HUWE1: variants seen among roughly 807,000 people sequenced by gnomAD.
HUWE1 encodes HECT, UBA and WWE domain containing E3 ubiquitin protein ligase 1.
In HUWE1, 18 loss-of-function variants were observed where a neutral mutation model predicts 299.4. The observed-to-expected ratio is 0.06, with a 90% CI of 0.04 to 0.09. HUWE1 has a LOEUF of 0.09. Among genes scored for constraint, HUWE1 ranks in the 10% least tolerant of loss-of-function variants. The pLI, the probability that HUWE1 is intolerant of heterozygous loss-of-function variation, is 1.00. For synonymous variants in HUWE1, 1,317 were observed against 1,286.1 expected, an observed-to-expected ratio of 1.02 and a Z score of -0.51; for missense variants, 1,832 against 3,462.3, an observed-to-expected ratio of 0.53 and a Z score of 11.82.
chrX:53,635,942 G>GA (rs1310091051), intron 7 of HUWE1, among the ~76,000 whole-genome samples: 4 of 112,345 alleles, frequency 3.6e-5, no homozygotes, highest in Admixed American at 2.8e-4. Context: ...TATCCTGTGA[G>GA]AAATAAGCTT....
At chrX:53,538,724 A>ACTCTCTCTCTCTCTCTCT (rs782578229) in intron 76 of HUWE1, 111 bp downstream of exon 76, 1 of 325,624 alleles carries the variant, frequency 3.1e-6, no homozygotes, top group African/African-American at 3.5e-5. Flanking sequence ...ACACACACAC[A>ACTCTCTCTCTCTCTCTCT]CTCTCTCTCT....
chrX:53,634,187 G>C (rs374747691), intron 8 of HUWE1, 49 bp downstream of exon 8: 70 of 961,069 alleles, frequency 7.3e-5, no homozygotes, highest in Non-Finnish European at 8.2e-5. Context: ...GGTTCACAGA[G>C]AGGCCACAGC....
intron 78 of HUWE1, 109 bp downstream of exon 78, chrX:53,537,447 A>G: frequency 1.2e-6 from 1 of 810,415 alleles, no homozygotes; most frequent in Non-Finnish European, 1.8e-6. Context: ...GGGAATTCCT[A>G]TTAGGGAGGG....
chrX:53,559,477 G>A lies in HUWE1; in HGVS notation c.7792C>T (p.Leu2598=). The change falls in exon 57 of 84, where the codon CTA becomes TTA. Residue 2598 remains leucine, a synonymous_variant. Transcript: ENST00000262854. ...DILQLSSSLP[L]QSRGRARLLV... The stretch of plus-strand genomic sequence containing the variant: ...AGGCGGGCCCGACCCCGGCTTTGTA[G>A]GGGAAGGCTGCTGCTCAGCTGAAGG... 8.3e-7 allele frequency: 1 copy of A among 1,211,556 alleles called. No individual in the cohort carries two copies. The highest frequency in any genetic ancestry group is 2.2e-5 in the Admixed American group (1 of 46,068).
chrX:53,678,226 A>C (rs189585497), intron 3 of HUWE1, among the ~76,000 whole-genome samples: 181 of 112,434 alleles, frequency 1.6e-3, no homozygotes, highest in African/African-American at 5.3e-3. Context: ...TTAACAGCCC[A>C]AACAAAACCT....
chrX:53,663,954 G>A (rs371199358), intron 3 of HUWE1, among the ~76,000 whole-genome samples: 1 of 110,904 alleles, frequency 9.0e-6, no homozygotes, highest in East Asian at 2.8e-4. Flanking sequence ...GCCTCTAGCT[G>A]GCAGGGTAAC....
intron 29 of HUWE1, among the ~76,000 whole-genome samples, chrX:53,597,568 T>C (rs1365786369): frequency 1.2e-5 from 1 of 85,654 alleles, no homozygotes; most frequent in Non-Finnish European, 2.3e-5. Context: ...CAAGACCCCT[T>C]TTCTGGATTG....
intron 33 of HUWE1, among the ~76,000 whole-genome samples, chrX:53,592,067 T>C (rs1483143417): frequency 8.9e-6 from 1 of 112,135 alleles, no homozygotes; most frequent in Non-Finnish European, 1.9e-5. Context: ...AAAGCTCTTG[T>C]TGGAGAATAA....
At chrX:53,602,926 A>C (rs2064954358) in intron 27 of HUWE1, among the ~76,000 whole-genome samples, 1 of 103,977 alleles carries the variant, frequency 9.6e-6, no homozygotes, top group Admixed American at 1.1e-4. Flanking sequence ...TCTTGGGCTC[A>C]CTGCAACCTC....
In HUWE1 at chrX:53,552,694, C is replaced by T. The variant is rs61742949; in HGVS notation, c.8694G>A (p.Ala2898=). 2.5e-3 allele frequency: 3,082 copies of T among 1,210,346 alleles called. 52 individuals carry two copies. In the African/African-American group the frequency reaches 0.048, roughly 19 times the overall value. The change falls in exon 62 of 84, where the codon GCG becomes GCA. Residue 2898 remains alanine (A), a synonymous_variant. Coordinates refer to ENST00000262854, the MANE Select transcript of HUWE1 (RefSeq NM_031407.7). Reference sequence around the variant, plus strand: ...ACCCATCACTCCTGCCTTGCACTTCCGCCACAGCTGGTGGGGCATCCCCAG... The same window carrying T: ...ACCCATCACTCCTGCCTTGCACTTCTGCCACAGCTGGTGGGGCATCCCCAG... The part of the protein sequence containing the change: ...STPGDAPPAV[A]EVQGRSDGSG...
Position 53,581,042 on chromosome X carries a change from A to G in HUWE1, c.5521-16T>C. The G allele has an allele frequency of 1.7e-6, 2 of 1,164,977 alleles. No homozygotes were observed. Among genetic ancestry groups the G allele is most frequent in the Non-Finnish European group, 2.3e-6 (2 of 859,512 alleles). On this transcript the variant is annotated splice_polypyrimidine_tract_variant and intron_variant, in intron 42 of 83. Transcript: ENST00000262854. Reference sequence around the variant, plus strand: ...AGCGAACAACCTAGTAAAGAGAGAAAGAAACACTGTCGATTAAACACTACT... The same window carrying G: ...AGCGAACAACCTAGTAAAGAGAGAAGGAAACACTGTCGATTAAACACTACT...
At chrX:53,568,641 T>C in intron 49 of HUWE1, 51 bp downstream of exon 49, 1 of 1,120,005 alleles carries the variant, frequency 8.9e-7, no homozygotes, top group Non-Finnish European at 1.2e-6. Flanking sequence ...ACATCATTCG[T>C]GTAGTGAGGC....
intron 82 of HUWE1, 76 bp from the exon 83 acceptor site, chrX:53,534,273 A>G: frequency 1.1e-6 from 1 of 925,869 alleles, no homozygotes; most frequent in African/African-American, 1.9e-5. Flanking sequence ...GGAATCTAGG[A>G]AACAGGACTG....
chrX:53,586,379 AC>A, intron 39 of HUWE1, 110 bp downstream of exon 39: 1 of 517,818 alleles, frequency 1.9e-6, no homozygotes, highest in Non-Finnish European at 3.4e-6. Context: ...AGAGATTTAT[AC>A]ATTGGTCAGA....
Position 53,535,163 on chromosome X carries a change from C to G in HUWE1, c.12649+221G>C, listed in dbSNP as rs186393681. Among the ~76,000 whole-genome samples, 805 of 111,112 alleles carry G rather than the reference C, an allele frequency of 7.2e-3. 7 individuals carry two copies. The highest frequency in any genetic ancestry group is 0.018 in the Middle Eastern group (4 of 218). On this transcript the variant is annotated intron_variant, in intron 81 of 83. Transcript: ENST00000262854. ...TTGGCCAGGCTGGTCTCAAACTCCT[C>G]ACCTCAACTGATCCGCCCACCTTGG...
rs1486563763 is a variant in HUWE1 at position 53,648,404 on chromosome X, A to G, written c.46-94T>C. 2.1e-5 allele frequency: 11 copies of G among 532,100 alleles called. No homozygotes were observed. In the East Asian group the frequency reaches 4.0e-4, roughly 19 times the overall value. 43.9% of individuals were successfully genotyped at this position (532,100 alleles called of 1,213,427 possible). ...AAGGAACCCTTAAGCTCACACAGCA[A>G]TTTTCCTTTTGCTAGGATTTACTAC... is the stretch of plus-strand genomic sequence containing the variant. On this transcript the variant is annotated intron_variant, in intron 4 of 83. Transcript: ENST00000262854.
chrX:53,597,722 GCCC>G (rs1322921214), intron 29 of HUWE1, among the ~76,000 whole-genome samples: 13 of 86,890 alleles, frequency 1.5e-4, no homozygotes, highest in African/African-American at 5.7e-4. Context: ...TGGTCTACTT[GCCC>G]CCCAAAACCA....
chrX:53,672,474 G>T (rs2069603413), intron 3 of HUWE1, among the ~76,000 whole-genome samples: 1 of 110,008 alleles, frequency 9.1e-6, no homozygotes, highest in African/African-American at 3.3e-5. Flanking sequence ...GGCCAGGCTG[G>T]TCTCGAACTC....
At chrX:53,578,418 G>A (rs1325697371) in intron 43 of HUWE1, among the ~76,000 whole-genome samples, 5 of 79,977 alleles carry the variant, frequency 6.3e-5, no homozygotes, top group Admixed American at 2.6e-4. Flanking sequence ...TCCTCTGCCC[G>A]GCCGCCCCTA....
Sources: allele counts gnomAD v4.1 joint callset (sites outside exome capture counted in the v4.1 genomes callset), GRCh38; gene constraint gnomAD v4.1.1; transcripts MANE v1.5; gene names NCBI Gene and HGNC (gene_info 2026-07-23, HGNC 2026-07-21).